The following SPAG16 variants were observed in gnomAD, a reference collection of about 807,000 sequenced individuals.
SPAG16 encodes the protein sperm-associated antigen 16 protein.
A neutral mutation model predicts 80.4 loss-of-function variants in SPAG16; 86 were observed. The ratio of observed to expected loss-of-function variants is 1.07; its 90% confidence interval spans 0.90 to 1.28. The LOEUF (loss-of-function observed/expected upper bound fraction) is 1.28, where lower values mean the gene tolerates loss of function less well. Ranked by LOEUF, SPAG16 falls within the 50% of genes most tolerant of loss-of-function variation. The pLI is 0.00. For synonymous variants in SPAG16, 294 were observed against 265.9 expected, an observed-to-expected ratio of 1.11 and a Z score of -1.03; for missense variants, 870 against 765.3, an observed-to-expected ratio of 1.14 and a Z score of -1.61.
chr2:214,228,751 C>T (rs1576546400), intron 15 of SPAG16, among the ~76,000 whole-genome samples: 1 of 151,938 alleles, frequency 6.6e-6, no homozygotes, highest in South Asian at 2.1e-4. Context: ...TTTATCTCTT[C>T]AAGCACTGTT....
intron 5 of SPAG16, among the ~76,000 whole-genome samples, chr2:213,332,564 C>A (rs965840395): frequency 2.6e-5 from 4 of 152,028 alleles, no homozygotes; most frequent in Non-Finnish European, 5.9e-5. Context: ...ATACCCAAAC[C>A]AAAGACACAT....
At chr2:213,797,697 C>T (rs1041364910) in intron 10 of SPAG16, among the ~76,000 whole-genome samples, 6 of 152,192 alleles carry the variant, frequency 3.9e-5, no homozygotes, top group Non-Finnish European at 7.4e-5. Context: ...TGGCTGTGTA[C>T]CACATTTTGT....
intron 10 of SPAG16, among the ~76,000 whole-genome samples, chr2:213,585,179 G>C (rs1166519491): frequency 7.2e-6 from 1 of 139,296 alleles, no homozygotes; most frequent in Non-Finnish European, 1.5e-5. Flanking sequence ...ATGAGAGTGA[G>C]ACTCCATCTC....
At chr2:213,329,248 T>C (rs1327307917) in intron 5 of SPAG16, among the ~76,000 whole-genome samples, 1 of 151,940 alleles carries the variant, frequency 6.6e-6, no homozygotes, top group Non-Finnish European at 1.5e-5. Context: ...CAGGCAGAGG[T>C]TGGAACAGTT....
At chr2:213,803,851 C>T (rs944456444) in intron 10 of SPAG16, among the ~76,000 whole-genome samples, 1 of 152,216 alleles carries the variant, frequency 6.6e-6, no homozygotes, top group African/African-American at 2.4e-5. Context: ...GATCCTCCCA[C>T]CTCAGTATAT....
rs78402236 is a variant in SPAG16 at position 214,004,638 on chromosome 2, A to T, written c.1401-9313A>T. ...CTAAAAAAGGTGTCCGCGGCTTATC[A>T]TCAGGTGTGGGCTGGAGTAGTCAAT... On this transcript the variant is annotated intron_variant, in intron 12 of 15. Transcript: ENST00000331683. Among the ~76,000 whole-genome samples, 1,333 of 152,210 alleles carry T rather than the reference A, an allele frequency of 8.8e-3. 19 individuals are homozygous for T. Among genetic ancestry groups the T allele is most frequent in the African/African-American group, 0.03 (1,242 of 41,548 alleles).
intron 8 of SPAG16, among the ~76,000 whole-genome samples, chr2:213,370,096 A>G (rs2066549020): frequency 6.6e-6 from 1 of 152,318 alleles, no homozygotes; most frequent in Non-Finnish European, 1.5e-5. Context: ...ATGTTAAAGT[A>G]GTATCAGTTA....
chr2:214,194,871 A>G (rs910712357), intron 15 of SPAG16, among the ~76,000 whole-genome samples: 3 of 152,114 alleles, frequency 2.0e-5, no homozygotes, highest in African/African-American at 7.2e-5. Flanking sequence ...ATGTAACCAT[A>G]TCTTTTAGTT....
intron 15 of SPAG16, among the ~76,000 whole-genome samples, chr2:214,292,745 G>C (rs1298089332): frequency 2.0e-5 from 3 of 152,154 alleles, no homozygotes; most frequent in Non-Finnish European, 4.4e-5. Context: ...TCCTCACATT[G>C]ATATCTGTGC....
chr2:213,602,549 T>C (rs903352696), intron 10 of SPAG16, among the ~76,000 whole-genome samples: 4 of 152,082 alleles, frequency 2.6e-5, no homozygotes, highest in African/African-American at 9.7e-5. Context: ...CAGGAGACTC[T>C]CTTGAACCTG....
intron 10 of SPAG16, among the ~76,000 whole-genome samples, chr2:213,600,440 T>A (rs1209406069): frequency 6.6e-6 from 1 of 152,200 alleles, no homozygotes; most frequent in African/African-American, 2.4e-5. Context: ...GATATGAAGG[T>A]TTTGGATTCC....
At chr2:213,407,287 T>G (rs2068663721) in intron 9 of SPAG16, among the ~76,000 whole-genome samples, 1 of 152,008 alleles carries the variant, frequency 6.6e-6, no homozygotes. Flanking sequence ...TAGGTCAATC[T>G]TCCAGGACAG....
intron 15 of SPAG16, among the ~76,000 whole-genome samples, chr2:214,321,894 G>A (rs1696122966): frequency 6.6e-6 from 1 of 152,138 alleles, no homozygotes; most frequent in Non-Finnish European, 1.5e-5. Context: ...GTTTTGTTGA[G>A]AAAGCCTGCT....
intron 15 of SPAG16, among the ~76,000 whole-genome samples, chr2:214,401,813 C>T (rs1701723470): frequency 6.6e-6 from 1 of 151,848 alleles, no homozygotes; most frequent in African/African-American, 2.4e-5. Flanking sequence ...GAAAATGTAA[C>T]ATGTTCAAAC....
intron 10 of SPAG16, among the ~76,000 whole-genome samples, chr2:213,554,644 C>G (rs1340148232): frequency 1.3e-5 from 2 of 150,980 alleles, no homozygotes; most frequent in African/African-American, 4.9e-5. Flanking sequence ...TAATAAGCAA[C>G]AAAAATGATA....
chr2:213,753,654 C>G (rs1444906777), intron 10 of SPAG16, among the ~76,000 whole-genome samples: 1 of 152,136 alleles, frequency 6.6e-6, no homozygotes, highest in East Asian at 1.9e-4. Context: ...CCTCACATAG[C>G]TCTAGGACTA....
chr2:213,344,752 G>C (rs1393263678), intron 6 of SPAG16, among the ~76,000 whole-genome samples: 6 of 152,040 alleles, frequency 3.9e-5, no homozygotes, highest in Admixed American at 1.3e-4. Flanking sequence ...GTGTATATGT[G>C]CCACATTTTC....
chr2:213,982,329 A>C (rs950195240), intron 12 of SPAG16, among the ~76,000 whole-genome samples: 3 of 152,054 alleles, frequency 2.0e-5, no homozygotes, highest in Non-Finnish European at 4.4e-5. Context: ...TTTGCTCTCA[A>C]AACAACTCTG....
At chr2:213,505,943 C>T (rs1470607345) in intron 10 of SPAG16, among the ~76,000 whole-genome samples, 1 of 151,514 alleles carries the variant, frequency 6.6e-6, no homozygotes, top group Middle Eastern at 3.2e-3. Flanking sequence ...AATATATCAT[C>T]ATTTTTATAA....
Sources: gnomAD v4.1 joint callset for allele counts (sites outside exome capture counted in the v4.1 genomes callset) on GRCh38, gnomAD v4.1.1 for gene constraint, MANE v1.5 for transcripts, NCBI Gene and HGNC (gene_info 2026-07-23, HGNC 2026-07-21) for gene names.